PIK3C2B: variants seen among roughly 807,000 people sequenced by gnomAD.
The protein encoded by PIK3C2B is phosphatidylinositol-4-phosphate 3-kinase catalytic subunit type 2 beta.
Under a neutral mutation model 184.3 loss-of-function variants are expected in PIK3C2B, and 83 were observed. The ratio of observed to expected loss-of-function variants is 0.45; its 90% confidence interval spans 0.38 to 0.54. The LOEUF is 0.54. PIK3C2B is among the 20% of genes least tolerant of loss of function. The pLI, the probability that PIK3C2B is intolerant of heterozygous loss-of-function variation, is 0.00. For synonymous variants in PIK3C2B, 779 were observed against 837.6 expected, an observed-to-expected ratio of 0.93 and a Z score of 1.21; for missense variants, 1,736 against 2,113.5, an observed-to-expected ratio of 0.82 and a Z score of 3.50.
In PIK3C2B at chr1:204,460,675, G is replaced by C; in HGVS notation, c.1311-14C>G. The stretch of plus-strand genomic sequence containing the variant: ...AAGGCATGCTTGCTGGTAGGGTAGA[G>C]GGACAAGACCATTAGCATCCTGGGG... On this transcript the variant is annotated splice_polypyrimidine_tract_variant and intron_variant, in intron 5 of 32. Coordinates refer to ENST00000684373, the MANE Select transcript of PIK3C2B (RefSeq NM_001377334.1). The C allele has an allele frequency of 6.5e-7, 1 of 1,535,858 alleles. No individual in the cohort carries two copies. Among genetic ancestry groups the C allele is most frequent in the Non-Finnish European group, 9.0e-7 (1 of 1,108,666 alleles).
At position 204,427,842 on chromosome 1, in the gene PIK3C2B, A is replaced by G; in HGVS notation, c.4481-88T>C. The G allele has an allele frequency of 3.4e-6, 3 of 893,274 alleles. No individual in the cohort carries two copies. The South Asian group carries it at 4.1e-5, about 12-fold the overall frequency. 55.3% of individuals were successfully genotyped at this position (893,274 alleles called of 1,614,324 possible). ...TGAACCCCCTTGCCCCAGCCTCTCC[A>G]TGTCAGATTTCTGATACTCATGAGG... On this transcript the variant is annotated intron_variant, in intron 30 of 32. Transcript: ENST00000684373.
At position 204,424,616 on chromosome 1, in the gene PIK3C2B, TCA is replaced by T. The variant is rs749730530; in HGVS notation, c.*234_*235del. On this transcript the variant is annotated 3_prime_UTR_variant, in exon 33 of 33. Transcript: ENST00000684373. The stretch of plus-strand genomic sequence containing the variant: ...GTAAACTTAAAACTTTGCTGCAACC[TCA>T]CAGCCTCCAAGGGGCTGCTCATCAC... The T allele has an allele frequency of 1.3e-4, 79 of 599,938 alleles. No individual in the cohort carries two copies. The Middle Eastern group carries it at 2.2e-3, about 17-fold the overall frequency. 37.2% of individuals were successfully genotyped at this position (599,938 alleles called of 1,614,324 possible).
intron 1 of PIK3C2B, among the ~76,000 whole-genome samples, chr1:204,482,193 C>T (rs913099385): frequency 6.6e-6 from 1 of 151,280 alleles, no homozygotes; most frequent in African/African-American, 2.5e-5. Context: ...AGTGTAGGAA[C>T]CTCTTGCCCC....
chr1:204,425,136 C>T (rs2103460791), intron 32 of PIK3C2B, 96 bp from the exon 33 acceptor site: 1 of 963,712 alleles, frequency 1.0e-6, no homozygotes, highest in African/African-American at 1.6e-5. Context: ...CTGTTGGGGG[C>T]TGATCCAGCT....
At chr1:204,429,532 T>C (rs753877507) in intron 29 of PIK3C2B, among the ~76,000 whole-genome samples, 2 of 152,144 alleles carry the variant, frequency 1.3e-5, no homozygotes, top group Non-Finnish European at 1.5e-5. Context: ...TATTTAATAA[T>C]AGGATTCCTC....
At chr1:204,452,564 A>G (rs1558252322) in intron 12 of PIK3C2B, among the ~76,000 whole-genome samples, 1 of 150,122 alleles carries the variant, frequency 6.7e-6, no homozygotes, top group African/African-American at 2.5e-5. Flanking sequence ...CTCAAGGGCC[A>G]TTTAATGCAG....
At chr1:204,483,693 A>G (rs186649744) in intron 1 of PIK3C2B, among the ~76,000 whole-genome samples, 5 of 152,246 alleles carry the variant, frequency 3.3e-5, no homozygotes, top group Non-Finnish European at 7.3e-5. Flanking sequence ...TGCTTTGTAC[A>G]TGCCCTGATG....
intron 1 of PIK3C2B, among the ~76,000 whole-genome samples, chr1:204,487,520 CA>C (rs1347759813): frequency 6.6e-6 from 1 of 152,104 alleles, no homozygotes; most frequent in Non-Finnish European, 1.5e-5. Context: ...GTGGTCTGAC[CA>C]ACCCAGAGGA....
chr1:204,444,011 A>C, intron 18 of PIK3C2B, 57 bp downstream of exon 18: 2 of 1,212,756 alleles, frequency 1.6e-6, no homozygotes, highest in Non-Finnish European at 1.2e-6. Context: ...CTAAGAGTGA[A>C]ATACTCCTAC....
chr1:204,485,141 C>T (rs1262026382), intron 1 of PIK3C2B, among the ~76,000 whole-genome samples: 1 of 151,744 alleles, frequency 6.6e-6, no homozygotes, highest in Non-Finnish European at 1.5e-5. Flanking sequence ...CTTGACCTCC[C>T]AGTCTCAAGC....
intron 23 of PIK3C2B, among the ~76,000 whole-genome samples, chr1:204,437,332 T>C (rs1675403299): frequency 6.6e-6 from 1 of 151,974 alleles, no homozygotes; most frequent in Non-Finnish European, 1.5e-5. Flanking sequence ...CCTTCTCTAC[T>C]AAAAATATGA....
At chr1:204,475,169 C>G (rs1656618616) in intron 1 of PIK3C2B, among the ~76,000 whole-genome samples, 1 of 152,130 alleles carries the variant, frequency 6.6e-6, no homozygotes, top group African/African-American at 2.4e-5. Context: ...ATCTGATCAC[C>G]TCGCTTCCTG....
chr1:204,425,733 G>A lies in PIK3C2B; in HGVS notation c.4596C>T (p.Leu1532=), dbSNP rs1481311892. 1.9e-6 allele frequency: 3 copies of A among 1,613,316 alleles called. No homozygotes were observed. Among genetic ancestry groups the A allele is most frequent in the Non-Finnish European group, 2.5e-6 (3 of 1,179,756 alleles). The part of the protein sequence containing the change: ...MVMHIRGLQL[L]QDGNDPDPYV... ...AGGGGTCAGGGTCATTTCCATCCTG[G>A]AGCAGTTGCTACAATAGAATGAGAA... Residue 1532 remains leucine, a synonymous_variant, in exon 32 of 33, where the codon CTC becomes CTT. Coordinates refer to ENST00000684373, the MANE Select transcript of PIK3C2B (RefSeq NM_001377334.1).
At position 204,430,022 on chromosome 1, in the gene PIK3C2B, C is replaced by T. The variant is rs772630426; in HGVS notation, c.4297G>A (p.Val1433Met). ...GCCTCTCCCCGGGAGCGGCCGATCA[C>T]GAAGCGACTAGGGAAGCTGGCGTGG... ...SHLPSFPSRF[V>M]IGRSRGEAVA... Residue 1433 changes from valine to methionine, a missense_variant, in exon 29 of 33, where the codon GTG (valine) becomes ATG (methionine). Val to Met is a conservative substitution (Grantham distance 21, BLOSUM62 1). Transcript: ENST00000684373. The T allele has an allele frequency of 9.9e-6, 16 of 1,609,038 alleles. No homozygotes were observed. The highest frequency in any genetic ancestry group is 1.7e-5 in the Admixed American group (1 of 59,986).
intron 5 of PIK3C2B, among the ~76,000 whole-genome samples, 193 bp downstream of exon 5, chr1:204,463,819 C>A (rs567506245): frequency 1.3e-4 from 20 of 152,066 alleles, no homozygotes; most frequent in Admixed American, 9.2e-4. Flanking sequence ...TGGCTCAGGA[C>A]GTCAGCCAAC....
Position 204,425,012 on chromosome 1 carries a change from T to C in PIK3C2B, c.4745A>G (p.Asp1582Gly), listed in dbSNP as rs551234586. The change falls in exon 33 of 33, where the codon GAC becomes GGC. Residue 1582 changes from aspartate (D) to glycine (G), a missense_variant. Asp to Gly is a moderately conservative substitution (Grantham distance 94). Transcript: ENST00000684373. ...MLVYDGIPKG[D>G]LQQRELQLSV... ...CAGCTGGAGCTCCCGCTGCTGCAGG[T>C]CACCCTTGGGGATCCCATCATATAC... The C allele has an allele frequency of 6.2e-7, 1 of 1,613,940 alleles. No homozygotes were observed. Among genetic ancestry groups the C allele is most frequent in the Admixed American group, 1.7e-5 (1 of 60,004 alleles).
chr1:204,480,875 G>A (rs1657079238), intron 1 of PIK3C2B, among the ~76,000 whole-genome samples: 2 of 152,108 alleles, frequency 1.3e-5, no homozygotes, highest in African/African-American at 4.8e-5. Flanking sequence ...CCAGCCCACT[G>A]TCCCTGTGCC....
At chr1:204,438,478 A>G (rs1675472369) in intron 23 of PIK3C2B, among the ~76,000 whole-genome samples, 1 of 152,206 alleles carries the variant, frequency 6.6e-6, no homozygotes, top group Non-Finnish European at 1.5e-5. Context: ...TATCAGCTCC[A>G]TAACTAGGAA....
At chr1:204,434,728 T>A in intron 23 of PIK3C2B, 120 bp from the exon 24 acceptor site, 1 of 682,218 alleles carries the variant, frequency 1.5e-6, no homozygotes, top group Non-Finnish European at 2.5e-6. Context: ...TGAACCCCAA[T>A]AGTGTCTCAC....
Sources: gnomAD v4.1 joint callset for allele counts (sites outside exome capture counted in the v4.1 genomes callset) on GRCh38, gnomAD v4.1.1 for gene constraint, MANE v1.5 for transcripts, NCBI Gene and HGNC (gene_info 2026-07-23, HGNC 2026-07-21) for gene names.